INSL6: variants seen among roughly 807,000 people sequenced by gnomAD.
INSL6 encodes insulin like 6, also known as insulin-like peptide INSL6.
A neutral mutation model predicts 9.4 loss-of-function variants in INSL6; 16 were observed. That is an observed-to-expected ratio of 1.70 (90% CI 1.15 to 2.59). The LOEUF (loss-of-function observed/expected upper bound fraction) is 2.59, where lower values mean the gene tolerates loss of function less well. INSL6 is among the 30% of genes most tolerant of loss of function. The pLI, the probability that INSL6 is intolerant of heterozygous loss-of-function variation, is 0.00. For missense variants in INSL6, 391 were observed against 257.3 expected (o/e 1.52, Z -3.56); for synonymous variants, 154 against 96.9 (o/e 1.59, Z -3.46).
chr9:5,073,577 C>G, the INSL6 span: 1 of 746,146 alleles, frequency 1.3e-6, no homozygotes, highest in Non-Finnish European at 2.3e-6. Context: ...ACATTGTATC[C>G]TCATCTATAG....
the INSL6 span, among the ~76,000 whole-genome samples, chr9:5,087,550 TA>T: frequency 2.6e-5 from 4 of 152,354 alleles, no homozygotes; most frequent in East Asian, 7.7e-4. Flanking sequence ...CTTTTCGCTG[TA>T]TTTTTCTTCA....
downstream of INSL6, among the ~76,000 whole-genome samples, chr9:5,159,852 C>T (rs1824888161): frequency 1.3e-5 from 2 of 152,182 alleles, no homozygotes; most frequent in Admixed American, 6.5e-5. Context: ...CATTTCTCTC[C>T]TCAGCATGCG....
the INSL6 span, chr9:5,080,168 A>T: frequency 8.1e-6 from 10 of 1,241,854 alleles, no homozygotes; most frequent in African/African-American, 4.5e-5. Context: ...AGCTATTTAC[A>T]TATAAAAGAT....
At chr9:5,055,585 A>G in the INSL6 span, 1 of 1,082,334 alleles carries the variant, frequency 9.2e-7, no homozygotes, top group African/African-American at 1.6e-5. Context: ...AAGAATTTGG[A>G]AAGAATGTTG....
intron 1 of INSL6, among the ~76,000 whole-genome samples, chr9:5,172,037 C>G (rs551898897): frequency 7.9e-5 from 12 of 152,228 alleles, no homozygotes; most frequent in Admixed American, 6.5e-4. Flanking sequence ...CAATCCTAAG[C>G]AAAAAGAACA....
At chr9:5,104,203 T>A in the INSL6 span, among the ~76,000 whole-genome samples, 1 of 151,756 alleles carries the variant, frequency 6.6e-6, no homozygotes, top group Non-Finnish European at 1.5e-5. Flanking sequence ...AAGAATCAAA[T>A]AGAGGGAATA....
the INSL6 span, among the ~76,000 whole-genome samples, chr9:5,015,653 G>T: frequency 6.6e-6 from 1 of 151,130 alleles, no homozygotes; most frequent in Non-Finnish European, 1.5e-5. Flanking sequence ...TGATCCTATT[G>T]TTTTCTTTCT....
At chr9:5,086,330 C>A in the INSL6 span, among the ~76,000 whole-genome samples, 1 of 152,168 alleles carries the variant, frequency 6.6e-6, no homozygotes, top group Non-Finnish European at 1.5e-5. Context: ...CCTTTACCTT[C>A]TCGCTTCACT....
At chr9:5,085,970 G>GT in the INSL6 span, 1 of 1,093,274 alleles carries the variant, frequency 9.1e-7, no homozygotes, top group Non-Finnish European at 1.4e-6. Flanking sequence ...TCTCACCACT[G>GT]TGTGTTTTGC....
the INSL6 span, among the ~76,000 whole-genome samples, chr9:5,087,656 T>G: frequency 2.6e-5 from 4 of 152,242 alleles, no homozygotes; most frequent in Non-Finnish European, 5.9e-5. Flanking sequence ...AAAAGTATAA[T>G]GATCATTGTT....
At chr9:5,145,150 C>T (rs981832720) in intron 2 of INSL6, among the ~76,000 whole-genome samples, 2 of 152,164 alleles carry the variant, frequency 1.3e-5, no homozygotes, top group Non-Finnish European at 2.9e-5. Flanking sequence ...TTTTGTAAGG[C>T]AGGTCTAGTG....
At chr9:5,084,006 AATTT>A in the INSL6 span, among the ~76,000 whole-genome samples, 1 of 152,078 alleles carries the variant, frequency 6.6e-6, no homozygotes, top group African/African-American at 2.4e-5. Flanking sequence ...AATATACCAT[AATTT>A]ATTTACAACA....
the INSL6 span, chr9:5,090,857 C>G: frequency 6.2e-7 from 1 of 1,612,798 alleles, no homozygotes. Flanking sequence ...AAAGTCTTGC[C>G]ACAAGACAAA....
At chr9:5,127,886 G>A (rs1298260570) in intron 3 of INSL6, 1 of 232,198 alleles carries the variant, frequency 4.3e-6, no homozygotes, top group African/African-American at 2.2e-5. Context: ...GGGAAATGAG[G>A]TAAATAAGTA....
chr9:5,044,286 C>G, the INSL6 span: 2 of 673,804 alleles, frequency 3.0e-6, no homozygotes, highest in Non-Finnish European at 5.2e-6. Flanking sequence ...ATACTGTTAG[C>G]TGTGTTTTCT....
the INSL6 span, chr9:5,069,213 G>T: frequency 6.3e-7 from 1 of 1,584,536 alleles, no homozygotes; most frequent in Non-Finnish European, 8.6e-7. Context: ...CAAAAGGTAA[G>T]ATAATTTTCT....
At chr9:5,179,044 C>CCA (rs367785033) in intron 1 of INSL6, among the ~76,000 whole-genome samples, 2 of 132,730 alleles carry the variant, frequency 1.5e-5, no homozygotes, top group Non-Finnish European at 1.6e-5. Flanking sequence ...TTCTGCACAG[C>CCA]AAAAAAAAAA....
chr9:5,033,305 G>A, the INSL6 span, among the ~76,000 whole-genome samples: 1 of 152,200 alleles, frequency 6.6e-6, no homozygotes. Flanking sequence ...AACCAAGTTG[G>A]AAAACACTCT....
exon 4 of INSL6, among the ~76,000 whole-genome samples, chr9:5,124,237 G>T (rs573053972): frequency 1.3e-5 from 2 of 151,468 alleles, no homozygotes; most frequent in African/African-American, 4.8e-5. Flanking sequence ...GTCTATTTTT[G>T]GTTTTGTTGC....
Sources: allele counts gnomAD v4.1 joint callset (sites outside exome capture counted in the v4.1 genomes callset), GRCh38; gene constraint gnomAD v4.1.1; transcripts MANE v1.5; gene names NCBI Gene and HGNC (gene_info 2026-07-23, HGNC 2026-07-21).